Variants in HSF2BP observed in about 807,000 individuals in gnomAD.
HSF2BP encodes the protein heat shock transcription factor 2 binding protein, also known as heat shock factor 2-binding protein.
In HSF2BP, 35 loss-of-function variants were observed where a neutral mutation model predicts 35.0. The observed-to-expected ratio is 1.00, with a 90% CI of 0.76 to 1.32. The LOEUF (loss-of-function observed/expected upper bound fraction) is 1.32, where lower values mean the gene tolerates loss of function less well. HSF2BP is among the 40% of genes most tolerant of loss of function. The pLI is 0.00. For missense variants in HSF2BP, 326 were observed against 321.7 expected, an observed-to-expected ratio of 1.01 and a Z score of -0.10; for synonymous variants, 114 against 117.4, an observed-to-expected ratio of 0.97 and a Z score of 0.18.
At chr21:43,626,673 C>T (rs1032733021) in intron 6 of HSF2BP, among the ~76,000 whole-genome samples, 8 of 152,130 alleles carry the variant, frequency 5.3e-5, no homozygotes, top group African/African-American at 1.9e-4. Context: ...GAACCCTGAC[C>T]CCACTGGTTT....
chr21:43,467,895 CCA>C, the HSF2BP span, among the ~76,000 whole-genome samples: 2 of 114,968 alleles, frequency 1.7e-5, no homozygotes, highest in African/African-American at 3.4e-5. Context: ...ACACCACACA[CCA>C]CACACACGCA....
In HSF2BP at chr21:43,659,081, T is replaced by G. The variant is rs1413220366; in HGVS notation, c.-225+305A>C. Among the ~76,000 whole-genome samples, 2 of 152,136 alleles carry G rather than the reference T, an allele frequency of 1.3e-5. No individual in the cohort carries two copies. Among genetic ancestry groups the G allele is most frequent in the African/African-American group, 4.8e-5 (2 of 41,454 alleles). On this transcript the variant is annotated intron_variant, in intron 1 of 8. Coordinates refer to ENST00000291560, the MANE Select transcript of HSF2BP (RefSeq NM_007031.2). This position sits in a 1 kb window ranked among gnomAD's most constrained non-coding sequence, Gnocchi z 4.2. ...GGGAGGCCGCCGCGGGAGGATTGCTTGAGCCCAGGAGTTTGAGACCAGCTT... is the reference window on the plus strand; with the variant it reads ...GGGAGGCCGCCGCGGGAGGATTGCTGGAGCCCAGGAGTTTGAGACCAGCTT...
intron 8 of HSF2BP, among the ~76,000 whole-genome samples, chr21:43,578,362 T>C (rs2081672434): frequency 6.6e-6 from 1 of 152,050 alleles, no homozygotes; most frequent in African/African-American, 2.4e-5. Context: ...TGTGTGTGTG[T>C]GTGCATTCTC....
chr21:43,579,367 C>A (rs1374718258), intron 8 of HSF2BP, among the ~76,000 whole-genome samples: 1 of 148,272 alleles, frequency 6.7e-6, no homozygotes, highest in East Asian at 1.9e-4. Context: ...AAACAAACAA[C>A]AAAAATGGAG....
intron 7 of HSF2BP, among the ~76,000 whole-genome samples, chr21:43,604,162 T>C (rs958313786): frequency 6.6e-6 from 1 of 151,580 alleles, no homozygotes; most frequent in Non-Finnish European, 1.5e-5. Flanking sequence ...ACAGGGCACA[T>C]CCCAGAGGAA....
intron 6 of HSF2BP, among the ~76,000 whole-genome samples, chr21:43,617,045 T>G (rs558096305): frequency 7.5e-4 from 114 of 152,218 alleles, no homozygotes; most frequent in Non-Finnish European, 1.4e-3. Context: ...AGCTGTTCCA[T>G]CCCTCAACGA....
At chr21:43,643,446 C>T (rs1239679202) in intron 4 of HSF2BP, among the ~76,000 whole-genome samples, 1 of 152,108 alleles carries the variant, frequency 6.6e-6, no homozygotes, top group Non-Finnish European at 1.5e-5. Context: ...TTCTTGCTCT[C>T]ACAGGAATGG....
intron 8 of HSF2BP, among the ~76,000 whole-genome samples, chr21:43,580,401 T>C (rs1042882548): frequency 6.6e-6 from 1 of 152,216 alleles, no homozygotes; most frequent in Non-Finnish European, 1.5e-5. Context: ...TTGACATCCT[T>C]TGACGTACGA....
At chr21:43,588,431 C>T (rs1287962869) in intron 8 of HSF2BP, among the ~76,000 whole-genome samples, 5 of 152,022 alleles carry the variant, frequency 3.3e-5, no homozygotes, top group Admixed American at 6.5e-5. Context: ...GGCTTCCACC[C>T]GAGACATGTC....
intron 6 of HSF2BP, among the ~76,000 whole-genome samples, chr21:43,616,041 G>A (rs995114744): frequency 2.1e-4 from 30 of 141,266 alleles, no homozygotes; most frequent in Admixed American, 3.5e-4. Flanking sequence ...CATCGCTGAA[G>A]AAAAAAAAAA....
At chr21:43,595,726 ATTTTTTTTTTTTTTTTTT>A (rs770855952) in intron 7 of HSF2BP, among the ~76,000 whole-genome samples, 35 of 58,454 alleles carry the variant, frequency 6.0e-4, no homozygotes, top group African/African-American at 1.7e-3. Context: ...TAAGAGGCTA[ATTTTTTTTTTTTTTTTTT>A]TTTTTTTTTT....
At chr21:43,636,047 A>C (rs1015983758) in intron 4 of HSF2BP, among the ~76,000 whole-genome samples, 1 of 143,534 alleles carries the variant, frequency 7.0e-6, no homozygotes, top group Non-Finnish European at 1.5e-5. Context: ...CCATCTCTAC[A>C]AAAAAAAAAA....
At chr21:43,445,744 C>T in the HSF2BP span, among the ~76,000 whole-genome samples, 11 of 95,966 alleles carry the variant, frequency 1.1e-4, no homozygotes, top group African/African-American at 3.0e-4. Flanking sequence ...GAAGCCCAGT[C>T]GCCCCGGCTC....
intron 6 of HSF2BP, among the ~76,000 whole-genome samples, chr21:43,614,683 G>T (rs1181231736): frequency 2.6e-5 from 4 of 152,116 alleles, no homozygotes; most frequent in Non-Finnish European, 5.9e-5. Flanking sequence ...AAAAATTTTT[G>T]AGCACTGACA....
chr21:43,582,845 T>G (rs1324317141), intron 8 of HSF2BP, among the ~76,000 whole-genome samples: 10 of 7,222 alleles, frequency 1.4e-3, no homozygotes, highest in African/African-American at 2.4e-3. Flanking sequence ...GGGAGATGAG[T>G]ACCTGTTGAG....
At chr21:43,468,083 A>C in the HSF2BP span, among the ~76,000 whole-genome samples, 4 of 122,362 alleles carry the variant, frequency 3.3e-5, no homozygotes, top group East Asian at 2.5e-4. Flanking sequence ...ACCACACACA[A>C]CACACCACAT....
chr21:43,632,397 A>ATG (rs1568928792), intron 5 of HSF2BP, among the ~76,000 whole-genome samples: 1 of 59,642 alleles, frequency 1.7e-5, no homozygotes, highest in Admixed American at 1.9e-4. Flanking sequence ...ACACACACAC[A>ATG]CTCCCCCACA....
intron 7 of HSF2BP, chr21:43,610,059 T>A (rs1334751298): frequency 6.6e-6 from 1 of 152,378 alleles, no homozygotes; most frequent in African/African-American, 2.4e-5. Context: ...ATGGACCTTG[T>A]ACAGACCACA....
intron 6 of HSF2BP, among the ~76,000 whole-genome samples, chr21:43,615,863 G>A (rs1311885032): frequency 6.6e-6 from 1 of 152,026 alleles, no homozygotes; most frequent in Non-Finnish European, 1.5e-5. Context: ...AATAACTTCA[G>A]ATAATATACT....
Sources: allele counts gnomAD v4.1 joint callset (sites outside exome capture counted in the v4.1 genomes callset), GRCh38; gene constraint gnomAD v4.1.1; non-coding constraint Gnocchi (gnomAD v3.1); transcripts MANE v1.5; gene names NCBI Gene and HGNC (gene_info 2026-07-23, HGNC 2026-07-21).